Variants in KCNH8 observed in about 807,000 individuals in gnomAD.
The protein encoded by KCNH8 is voltage-gated delayed rectifier potassium channel KCNH8.
Under a neutral mutation model 103.6 loss-of-function variants are expected in KCNH8, and 70 were observed. The ratio of observed to expected loss-of-function variants is 0.68; its 90% CI spans 0.56 to 0.82. The LOEUF (loss-of-function observed/expected upper bound fraction) is 0.82. Ranked by LOEUF, KCNH8 falls within the 40% of genes least tolerant of loss-of-function variation. The probability of loss-of-function intolerance (pLI) is 0.00; values close to 1 mark genes in which losing one functional copy is unlikely to be tolerated. For missense variants in KCNH8, 1,217 were observed against 1,329.9 expected (o/e 0.92, Z 1.32); for synonymous variants, 498 against 489.4 (o/e 1.02, Z -0.23).
At chr3:19,371,268 C>T (rs1363970657) in intron 5 of KCNH8, among the ~76,000 whole-genome samples, 1 of 149,852 alleles carries the variant, frequency 6.7e-6, no homozygotes, top group African/African-American at 2.4e-5. Context: ...CTCTCCAGCA[C>T]CTGTTGTTTC....
At chr3:19,429,002 C>A (rs982249579) in intron 7 of KCNH8, among the ~76,000 whole-genome samples, 2 of 152,050 alleles carry the variant, frequency 1.3e-5, no homozygotes, top group Non-Finnish European at 2.9e-5. Flanking sequence ...ACGTCATTGC[C>A]CTGTGTTTAC....
At chr3:19,232,841 G>T (rs1348118617) in intron 1 of KCNH8, among the ~76,000 whole-genome samples, 4 of 152,174 alleles carry the variant, frequency 2.6e-5, no homozygotes, top group Non-Finnish European at 4.4e-5. Context: ...CTCAGAAATA[G>T]TTCTTGGCCA....
intron 5 of KCNH8, among the ~76,000 whole-genome samples, chr3:19,361,535 G>C (rs1266952947): frequency 6.6e-6 from 1 of 152,088 alleles, no homozygotes; most frequent in Non-Finnish European, 1.5e-5. Flanking sequence ...GATTCTCAGA[G>C]GAGCAATACC....
At chr3:19,206,168 G>A (rs1452387623) in intron 1 of KCNH8, among the ~76,000 whole-genome samples, 2 of 139,244 alleles carry the variant, frequency 1.4e-5, no homozygotes, top group Admixed American at 7.2e-5. Context: ...TGGTGTGTGT[G>A]TATATATATA....
At chr3:19,343,335 A>G (rs1197450976) in intron 4 of KCNH8, among the ~76,000 whole-genome samples, 1 of 152,120 alleles carries the variant, frequency 6.6e-6, no homozygotes, top group Non-Finnish European at 1.5e-5. Context: ...GCCACAACAA[A>G]TAACTATGCC....
At chr3:19,204,633 T>G (rs2063696312) in intron 1 of KCNH8, among the ~76,000 whole-genome samples, 1 of 152,022 alleles carries the variant, frequency 6.6e-6, no homozygotes, top group East Asian at 1.9e-4. Context: ...CATAATGTAT[T>G]GTAAATGTAA....
chr3:19,418,159 G>C (rs576189630), intron 7 of KCNH8, among the ~76,000 whole-genome samples: 149 of 152,268 alleles, frequency 9.8e-4, no homozygotes, highest in African/African-American at 3.4e-3. Context: ...TTTCAGGTGA[G>C]AGGCTCAGTG....
At chr3:19,231,696 T>A (rs924401134) in intron 1 of KCNH8, among the ~76,000 whole-genome samples, 4 of 152,214 alleles carry the variant, frequency 2.6e-5, no homozygotes, top group Non-Finnish European at 5.9e-5. Context: ...CATGGTATTC[T>A]TTTACAGAAT....
chr3:19,260,326 A>G (rs1355951197), intron 2 of KCNH8, among the ~76,000 whole-genome samples: 4 of 151,114 alleles, frequency 2.6e-5, no homozygotes, highest in African/African-American at 7.3e-5. Context: ...GTATATTCAT[A>G]TTCAGTCTTA....
chr3:19,161,945 A>G (rs1240214866), intron 1 of KCNH8, among the ~76,000 whole-genome samples: 1 of 152,148 alleles, frequency 6.6e-6, no homozygotes, highest in Non-Finnish European at 1.5e-5. Context: ...TTGGCATGAT[A>G]CTACGTGGTT....
At chr3:19,337,419 C>T (rs1193152603) in intron 3 of KCNH8, among the ~76,000 whole-genome samples, 1 of 151,890 alleles carries the variant, frequency 6.6e-6, no homozygotes, top group Non-Finnish European at 1.5e-5. Flanking sequence ...TGGAAATTTT[C>T]ATCTCTCAGT....
intron 3 of KCNH8, among the ~76,000 whole-genome samples, chr3:19,318,810 C>T (rs1291307826): frequency 2.6e-5 from 4 of 151,652 alleles, no homozygotes; most frequent in Non-Finnish European, 4.4e-5. Context: ...TCTATGCCAA[C>T]GTCTATTACT....
intron 5 of KCNH8, among the ~76,000 whole-genome samples, chr3:19,385,891 G>T (rs1458502894): frequency 1.3e-5 from 2 of 152,118 alleles, no homozygotes; most frequent in Non-Finnish European, 2.9e-5. Flanking sequence ...TTAAAGAAAT[G>T]GCTAAATGAA....
At chr3:19,324,256 C>T (rs2065390289) in intron 3 of KCNH8, among the ~76,000 whole-genome samples, 1 of 152,034 alleles carries the variant, frequency 6.6e-6, no homozygotes, top group Non-Finnish European at 1.5e-5. Context: ...AGGAAAGAGA[C>T]TTAATTGACT....
At chr3:19,450,035 T>TA in intron 8 of KCNH8, 71 bp from the exon 9 acceptor site, 4 of 1,299,352 alleles carry the variant, frequency 3.1e-6, no homozygotes, top group Non-Finnish European at 4.4e-6. Flanking sequence ...GGATAAACTG[T>TA]AAATTTAGAT....
chr3:19,293,179 T>C (rs954120859), intron 3 of KCNH8, among the ~76,000 whole-genome samples: 6 of 152,064 alleles, frequency 3.9e-5, no homozygotes, highest in African/African-American at 1.2e-4. Context: ...GCCCAATGCC[T>C]CGGTGCTGTG....
intron 3 of KCNH8, among the ~76,000 whole-genome samples, chr3:19,330,472 A>G (rs1392816644): frequency 3.3e-5 from 5 of 152,198 alleles, no homozygotes; most frequent in Non-Finnish European, 5.9e-5. Flanking sequence ...AAGACAATGA[A>G]TTTCCAGCAC....
rs2067476856 is a variant in KCNH8, at chr3:19,453,221, G to T, written c.1825+1817G>T. On this transcript the variant is annotated intron_variant, in intron 10 of 15. Coordinates refer to ENST00000328405, the MANE Select transcript of KCNH8 (RefSeq NM_144633.3). ...GGAAAAGTGGAAGACTGGAGGAGGGGCGTGAGGGATGAAAATAAATTAATA... is the reference window on the plus strand; with the variant it reads ...GGAAAAGTGGAAGACTGGAGGAGGGTCGTGAGGGATGAAAATAAATTAATA... Among the ~76,000 whole-genome samples the T allele has an allele frequency of 2.0e-5, 3 of 152,092 alleles. 1 individual carries two copies. In the South Asian group the frequency reaches 6.2e-4, roughly 31 times the overall value.
intron 1 of KCNH8, among the ~76,000 whole-genome samples, chr3:19,212,656 A>AC (rs1235736042): frequency 6.6e-6 from 1 of 152,208 alleles, no homozygotes. Flanking sequence ...TCACAGAAGT[A>AC]CAGAAGTACA....
Sources: gnomAD v4.1 joint callset for allele counts (sites outside exome capture counted in the v4.1 genomes callset) on GRCh38, gnomAD v4.1.1 for gene constraint, MANE v1.5 for transcripts, NCBI Gene and HGNC (gene_info 2026-07-23, HGNC 2026-07-21) for gene names.